Variants in PARD3 observed in about 807,000 individuals in gnomAD.
The protein encoded by PARD3 is par-3 family cell polarity regulator.
In PARD3, 75 loss-of-function variants were observed where a neutral mutation model predicts 155.4. The ratio of observed to expected loss-of-function variants is 0.48; its 90% CI spans 0.40 to 0.58. The LOEUF is 0.58. Ranked by LOEUF, PARD3 falls within the 20% of genes least tolerant of loss-of-function variation. The pLI is 0.00. For missense variants in PARD3, 1,642 were observed against 1,721.7 expected, an observed-to-expected ratio of 0.95 and a Z score of 0.82; for synonymous variants, 576 against 610.5, an observed-to-expected ratio of 0.94 and a Z score of 0.83.
chr10:34,405,073 AACACAAACACACACACACACACAC>A (rs1844304735), intron 5 of PARD3, among the ~76,000 whole-genome samples: 2 of 136,124 alleles, frequency 1.5e-5, no homozygotes, highest in African/African-American at 3.1e-5. Context: ...CCCCATCACA[AACACAAACACACACACACACACAC>A]ACACACACAC....
At chr10:34,334,757 T>C (rs1011577967) in intron 18 of PARD3, among the ~76,000 whole-genome samples, 2 of 151,706 alleles carry the variant, frequency 1.3e-5, no homozygotes, top group Admixed American at 1.3e-4. Flanking sequence ...AAAAAAGTTC[T>C]TTTTCTCTAG....
At chr10:34,334,827 G>A (rs1835991038) in intron 18 of PARD3, among the ~76,000 whole-genome samples, 1 of 151,370 alleles carries the variant, frequency 6.6e-6, no homozygotes, top group Non-Finnish European at 1.5e-5. Context: ...CTTATGTAAT[G>A]ACTTTCCATG....
At chr10:34,269,330 A>G (rs1955498776) in intron 22 of PARD3, among the ~76,000 whole-genome samples, 1 of 152,224 alleles carries the variant, frequency 6.6e-6, no homozygotes, top group African/African-American at 2.4e-5. Flanking sequence ...CTAGCAATAA[A>G]AGGACATATC....
intron 19 of PARD3, among the ~76,000 whole-genome samples, chr10:34,320,022 G>A (rs1958280226): frequency 6.6e-6 from 1 of 151,900 alleles, no homozygotes; most frequent in African/African-American, 2.4e-5. Flanking sequence ...TTTTATTATT[G>A]CACTTCTCAT....
chr10:34,193,077 C>T (rs1950785205), intron 22 of PARD3, among the ~76,000 whole-genome samples: 2 of 152,200 alleles, frequency 1.3e-5, no homozygotes, highest in South Asian at 4.1e-4. Flanking sequence ...TTATACAAAA[C>T]ACCTTTTGAA....
intron 18 of PARD3, among the ~76,000 whole-genome samples, chr10:34,332,845 CACT>C (rs1338278090): frequency 1.3e-5 from 2 of 151,994 alleles, no homozygotes; most frequent in Non-Finnish European, 2.9e-5. Flanking sequence ...CTCTGGGCAG[CACT>C]ACAATTTTTG....
intron 1 of PARD3, among the ~76,000 whole-genome samples, chr10:34,791,992 A>C (rs544399422): frequency 2.9e-4 from 44 of 150,992 alleles, no homozygotes; most frequent in African/African-American, 9.2e-4. Context: ...TTTCAACTCC[A>C]CTCCAATCTC....
chr10:34,381,265 T>C (rs1314759042), intron 9 of PARD3, among the ~76,000 whole-genome samples: 1 of 152,186 alleles, frequency 6.6e-6, no homozygotes, highest in Admixed American at 6.5e-5. Context: ...AACAGCCACA[T>C]GACCTGAGGA....
chr10:34,772,635 T>C (rs180814882), intron 1 of PARD3, among the ~76,000 whole-genome samples: 7 of 151,060 alleles, frequency 4.6e-5, no homozygotes, highest in African/African-American at 1.5e-4. Flanking sequence ...CTACTAAAAA[T>C]ACAAAAAAAT....
At chr10:34,267,278 T>A (rs1312560322) in intron 22 of PARD3, among the ~76,000 whole-genome samples, 2 of 152,142 alleles carry the variant, frequency 1.3e-5, no homozygotes, top group Admixed American at 1.3e-4. Flanking sequence ...AGAAACCAAG[T>A]AAGAGCTTTT....
chr10:34,754,007 T>G (rs1208354401), intron 1 of PARD3, among the ~76,000 whole-genome samples: 3 of 151,928 alleles, frequency 2.0e-5, no homozygotes, highest in African/African-American at 4.8e-5. Context: ...CATATGGAAT[T>G]CTGGTTTTAT....
At chr10:34,201,826 A>G (rs183719943) in intron 22 of PARD3, among the ~76,000 whole-genome samples, 82 of 152,340 alleles carry the variant, frequency 5.4e-4, no homozygotes, top group African/African-American at 1.7e-3. Flanking sequence ...CTGTTTCGCA[A>G]ACATTCACTG....
At chr10:34,688,536 A>G (rs567330242) in intron 2 of PARD3, among the ~76,000 whole-genome samples, 28 of 152,356 alleles carry the variant, frequency 1.8e-4, no homozygotes, top group African/African-American at 6.5e-4. Flanking sequence ...AAGAGTAAAC[A>G]CGACATCACT....
intron 23 of PARD3, among the ~76,000 whole-genome samples, chr10:34,125,527 G>A (rs971993324): frequency 1.3e-5 from 2 of 152,188 alleles, no homozygotes; most frequent in Non-Finnish European, 2.9e-5. Flanking sequence ...AGATGGAAAC[G>A]AAAGGAAAAC....
intron 3 of PARD3, among the ~76,000 whole-genome samples, 157 bp downstream of exon 3, chr10:34,516,822 C>T (rs1321025559): frequency 1.3e-5 from 2 of 152,192 alleles, no homozygotes; most frequent in East Asian, 3.8e-4. Context: ...TAAAGAACTG[C>T]CTACTTCTCT....
chr10:34,318,438 T>C (rs2134138919), intron 19 of PARD3, among the ~76,000 whole-genome samples: 1 of 152,308 alleles, frequency 6.6e-6, no homozygotes, highest in East Asian at 1.9e-4. Flanking sequence ...GAGTTTCTTA[T>C]AACAAAGAGC....
chr10:34,425,221 T>A (rs894250700), intron 5 of PARD3, among the ~76,000 whole-genome samples: 1 of 152,140 alleles, frequency 6.6e-6, no homozygotes, highest in African/African-American at 2.4e-5. Context: ...ATTTTCATTA[T>A]ACTTTAATGA....
At chr10:34,731,656 C>G (rs2094819950) in intron 1 of PARD3, among the ~76,000 whole-genome samples, 1 of 152,198 alleles carries the variant, frequency 6.6e-6, no homozygotes, top group Non-Finnish European at 1.5e-5. Flanking sequence ...GTTCAAAAAT[C>G]AAGAAGTAAT....
At chr10:34,376,777 A>C (rs1841293683) in intron 10 of PARD3, among the ~76,000 whole-genome samples, 1 of 148,092 alleles carries the variant, frequency 6.8e-6, no homozygotes, top group African/African-American at 2.7e-5. Context: ...GAGAGATAGA[A>C]ACCATATATG....
Sources: gnomAD v4.1 joint callset for allele counts (sites outside exome capture counted in the v4.1 genomes callset) on GRCh38, gnomAD v4.1.1 for gene constraint, MANE v1.5 for transcripts, NCBI Gene and HGNC (gene_info 2026-07-23, HGNC 2026-07-21) for gene names.